Variants in ZNF267 observed in about 807,000 individuals in gnomAD.
The protein encoded by ZNF267 is zinc finger (C2H2).
Under a neutral mutation model 71.6 loss-of-function variants are expected in ZNF267, and 61 were observed. That is an observed-to-expected ratio of 0.85 (90% CI 0.69 to 1.05). The LOEUF (loss-of-function observed/expected upper bound fraction) is 1.05, where lower values mean the gene tolerates loss of function less well. Among genes scored for constraint, ZNF267 ranks in the 50% least tolerant of loss-of-function variants. The pLI is 0.00. For missense variants in ZNF267, 852 were observed against 870.0 expected (o/e 0.98, Z 0.26); for synonymous variants, 288 against 293.2 (o/e 0.98, Z 0.18).
intron 3 of ZNF267, among the ~76,000 whole-genome samples, chr16:31,892,935 G>T (rs1208242372): frequency 6.6e-6 from 1 of 152,194 alleles, no homozygotes; most frequent in African/African-American, 2.4e-5. Context: ...CTGGGGTCTG[G>T]AGGACAGTGG....
In ZNF267 at chr16:31,873,892, AC is replaced by A; in HGVS notation, c.-73del. The A allele has an allele frequency of 1.9e-6, 3 of 1,602,612 alleles. No homozygotes were observed. The highest frequency in any genetic ancestry group is 2.6e-6 in the Non-Finnish European group (3 of 1,169,950). Reference sequence around the variant, plus strand: ...GCTTCGCGTTCTGAGAATAAACAGAACCTCTGTTGCTCTGCGACTTGCAGGC... The same window carrying A: ...GCTTCGCGTTCTGAGAATAAACAGAACTCTGTTGCTCTGCGACTTGCAGGC... On this transcript the variant is annotated 5_prime_UTR_variant, in exon 1 of 4. Coordinates refer to ENST00000300870, the MANE Select transcript of ZNF267 (RefSeq NM_003414.6).
chr16:31,912,223 T>A (rs1157494865), intron 3 of ZNF267: 3 of 151,766 alleles, frequency 2.0e-5, no homozygotes, highest in Admixed American at 2.0e-4. Flanking sequence ...GTATTACTTG[T>A]AGGACAGGTC....
chr16:31,896,027 T>C (rs967057911), intron 3 of ZNF267, among the ~76,000 whole-genome samples: 3 of 152,216 alleles, frequency 2.0e-5, no homozygotes, highest in African/African-American at 7.2e-5. Flanking sequence ...TCTTTATTTT[T>C]AAGAAACAGG....
At position 31,916,228 on chromosome 16, in the gene ZNF267, A is replaced by G. The variant is rs2084176168; in HGVS notation, c.1979A>G (p.Tyr660Cys). Residue 660 changes from tyrosine (Y) to cysteine (C), a missense_variant, in exon 4 of 4, where the codon TAC (tyrosine) becomes TGC (cysteine). Physicochemically the swap from Tyr to Cys is radical, Grantham distance 194. Transcript: ENST00000300870. ...HQRSHTGERP[Y>C]KCEECGKAFN... ...AGAAGTCATACTGGAGAGAGACCCT[A>G]CAAATGTGAAGAATGTGGCAAAGCC... The G allele has an allele frequency of 6.2e-7, 1 of 1,614,168 alleles. No homozygotes were observed. The highest frequency in any genetic ancestry group is 1.1e-5 in the South Asian group (1 of 91,078).
intron 3 of ZNF267, among the ~76,000 whole-genome samples, chr16:31,892,987 C>T (rs2083971801): frequency 6.6e-6 from 1 of 152,242 alleles, no homozygotes; most frequent in South Asian, 2.1e-4. Context: ...CAAGTAGGGA[C>T]TCTGTGTGGG....
At chr16:31,902,316 T>C (rs1012000934) in intron 3 of ZNF267, among the ~76,000 whole-genome samples, 12 of 152,214 alleles carry the variant, frequency 7.9e-5, no homozygotes, top group Middle Eastern at 6.8e-3. Context: ...AGTAGTTTTT[T>C]CCAATTCTGT....
chr16:31,892,677 A>AC (rs529353338), intron 3 of ZNF267, among the ~76,000 whole-genome samples: 1 of 152,238 alleles, frequency 6.6e-6, no homozygotes, highest in Non-Finnish European at 1.5e-5. Context: ...CAAAGGGGCT[A>AC]TAAGCCCCAT....
intron 3 of ZNF267, chr16:31,894,959 C>T: frequency 2.9e-6 from 1 of 340,726 alleles, no homozygotes; most frequent in Non-Finnish European, 5.9e-6. Flanking sequence ...AAGACAGCCT[C>T]TTTCTTCTAG....
intron 3 of ZNF267, among the ~76,000 whole-genome samples, chr16:31,906,785 C>T (rs1164118357): frequency 6.6e-6 from 1 of 152,000 alleles, no homozygotes; most frequent in Non-Finnish European, 1.5e-5. Flanking sequence ...ACCCACCGTC[C>T]TGCATCCACT....
intron 1 of ZNF267, among the ~76,000 whole-genome samples, chr16:31,882,838 T>G (rs1242543278): frequency 6.6e-6 from 1 of 152,232 alleles, no homozygotes; most frequent in African/African-American, 2.4e-5. Context: ...CTCTGTCAGA[T>G]TCCTTCGCTA....
intron 1 of ZNF267, among the ~76,000 whole-genome samples, chr16:31,876,025 A>G (rs548717715): frequency 6.6e-6 from 1 of 152,172 alleles, no homozygotes; most frequent in Non-Finnish European, 1.5e-5. Flanking sequence ...AAATGCTGCC[A>G]GGGAAAAGAA....
At chr16:31,903,249 T>G (rs992880341) in intron 3 of ZNF267, among the ~76,000 whole-genome samples, 31 of 152,178 alleles carry the variant, frequency 2.0e-4, no homozygotes, top group Admixed American at 6.5e-5. Flanking sequence ...TAAAATTCTC[T>G]TTTTTTGTTG....
chr16:31,897,793 T>G (rs1196756469), intron 3 of ZNF267, among the ~76,000 whole-genome samples: 2 of 152,178 alleles, frequency 1.3e-5, no homozygotes, highest in African/African-American at 4.8e-5. Context: ...TTCTTTTCAT[T>G]TTTAACTTAA....
intron 3 of ZNF267, chr16:31,913,823 C>T (rs1166363228): frequency 1.3e-5 from 2 of 152,380 alleles, no homozygotes; most frequent in African/African-American, 4.8e-5. Context: ...GCTTCCACAA[C>T]TGGGACTTAC....
chr16:31,908,064 T>A (rs2084106287), intron 3 of ZNF267, among the ~76,000 whole-genome samples: 1 of 151,616 alleles, frequency 6.6e-6, no homozygotes, highest in Non-Finnish European at 1.5e-5. Context: ...ATAATACTAA[T>A]AATAAATACA....
At chr16:31,890,469 C>G (rs1004720041) in intron 3 of ZNF267, among the ~76,000 whole-genome samples, 1 of 152,156 alleles carries the variant, frequency 6.6e-6, no homozygotes, top group African/African-American at 2.4e-5. Flanking sequence ...GGTTTCTATT[C>G]TTTAAGTTTA....
chr16:31,905,234 C>A (rs2142355062), intron 3 of ZNF267, among the ~76,000 whole-genome samples: 1 of 152,248 alleles, frequency 6.6e-6, no homozygotes, highest in African/African-American at 2.4e-5. Flanking sequence ...TCCTTCCTTT[C>A]AACTTTGGTG....
chr16:31,894,105 G>C (rs984607935), intron 3 of ZNF267, among the ~76,000 whole-genome samples: 2 of 152,212 alleles, frequency 1.3e-5, no homozygotes, highest in Admixed American at 6.5e-5. Flanking sequence ...CGACCAGCAA[G>C]GTCACATTTT....
At chr16:31,884,860 A>G (rs2083913284) in intron 2 of ZNF267, among the ~76,000 whole-genome samples, 1 of 152,236 alleles carries the variant, frequency 6.6e-6, no homozygotes, top group South Asian at 2.1e-4. Context: ...ATTGGTTGAC[A>G]TAAACTATTG....
Sources: gnomAD v4.1 joint callset for allele counts (sites outside exome capture counted in the v4.1 genomes callset) on GRCh38, gnomAD v4.1.1 for gene constraint, MANE v1.5 for transcripts, NCBI Gene and HGNC (gene_info 2026-07-23, HGNC 2026-07-21) for gene names.